SLC6A11: variants seen among roughly 807,000 people sequenced by gnomAD.
SLC6A11 encodes the protein sodium- and chloride-dependent GABA transporter 3.
In SLC6A11, 25 loss-of-function variants were observed where a neutral mutation model predicts 74.8. The ratio of observed to expected loss-of-function variants is 0.33; its 90% CI spans 0.24 to 0.47. The LOEUF is 0.47. SLC6A11 is among the 20% of genes least tolerant of loss of function. The pLI, the probability that SLC6A11 is intolerant of heterozygous loss-of-function variation, is 1.00. For missense variants in SLC6A11, 574 were observed against 837.0 expected (o/e 0.69, Z 3.88); for synonymous variants, 330 against 330.2 (o/e 1.00, Z 0.01).
intron 4 of SLC6A11, among the ~76,000 whole-genome samples, chr3:10,839,725 G>A (rs566329972): frequency 5.3e-5 from 8 of 152,206 alleles, no homozygotes; most frequent in Non-Finnish European, 1.0e-4. Context: ...TAGCCTCTGG[G>A]CATTGCAGCA....
chr3:10,905,059 A>G (rs1347445323), intron 6 of SLC6A11, among the ~76,000 whole-genome samples: 1 of 152,208 alleles, frequency 6.6e-6, no homozygotes, highest in Non-Finnish European at 1.5e-5. Flanking sequence ...TTATTTTACT[A>G]GACTTTCTTT....
chr3:10,827,705 G>T (rs1439360836), intron 4 of SLC6A11, among the ~76,000 whole-genome samples: 1 of 152,206 alleles, frequency 6.6e-6, no homozygotes, highest in Admixed American at 6.5e-5. Context: ...GGGAAGTAAA[G>T]ATGGAAGATG....
intron 4 of SLC6A11, among the ~76,000 whole-genome samples, chr3:10,840,831 T>C (rs1575672097): frequency 6.6e-6 from 1 of 152,270 alleles, no homozygotes; most frequent in African/African-American, 2.4e-5. Flanking sequence ...TTCACTGTCG[T>C]TGAAATGGTG....
intron 5 of SLC6A11, among the ~76,000 whole-genome samples, chr3:10,868,205 G>A (rs1372446905): frequency 3.9e-5 from 6 of 152,274 alleles, no homozygotes; most frequent in African/African-American, 1.4e-4. Context: ...TGGATCTTCT[G>A]ATTTTGTGGT....
At chr3:10,864,470 C>T (rs577764900) in intron 5 of SLC6A11, among the ~76,000 whole-genome samples, 1 of 152,028 alleles carries the variant, frequency 6.6e-6, no homozygotes, top group East Asian at 2.0e-4. Flanking sequence ...TCACCAGGTT[C>T]CTGGCACATC....
rs1171798828 is a variant in SLC6A11, at chr3:10,934,111, G to A, written c.1520G>A (p.Arg507Gln). ...YDNIEDMIGY[R>Q]PPSLIKWCWM... The stretch of plus-strand genomic sequence containing the variant: ...AACATTGAAGACATGATTGGCTACC[G>A]GCCACCGTCGCTCATTAAGTGGTGC... The change falls in exon 12 of 14, where the codon CGG becomes CAG. Residue 507 changes from arginine (R) to glutamine (Q), a missense_variant. Arg to Gln is a conservative substitution (Grantham distance 43). This residue lies in a region of SLC6A11 where 257 missense variants were observed against 341.5 expected (regional missense o/e 0.75). Coordinates refer to ENST00000254488, the MANE Select transcript of SLC6A11 (RefSeq NM_014229.3). 5.0e-6 allele frequency: 8 copies of A among 1,613,824 alleles called. No individual in the cohort carries two copies. The Admixed American group carries it at 5.0e-5, about 10-fold the overall frequency.
intron 6 of SLC6A11, among the ~76,000 whole-genome samples, chr3:10,884,678 G>A (rs1209377265): frequency 6.6e-6 from 1 of 152,164 alleles, no homozygotes; most frequent in Non-Finnish European, 1.5e-5. Flanking sequence ...GAATCTCTGA[G>A]CATCCCAAAC....
intron 4 of SLC6A11, among the ~76,000 whole-genome samples, chr3:10,827,050 C>T (rs567064821): frequency 6.6e-6 from 1 of 152,338 alleles, no homozygotes; most frequent in African/African-American, 2.4e-5. Context: ...GGGACACGCA[C>T]CCCTTCATAC....
At position 10,934,105 on chromosome 3, in the gene SLC6A11, G is replaced by C; in HGVS notation, c.1514G>C (p.Gly505Ala). 6.2e-7 allele frequency: 1 copy of C among 1,613,824 alleles called. No homozygotes were observed. Among genetic ancestry groups the C allele is most frequent in the East Asian group, 2.2e-5 (1 of 44,862 alleles). Residue 505 changes from glycine to alanine, a missense_variant, in exon 12 of 14, where the codon GGC becomes GCC. Gly to Ala is a moderately conservative substitution (Grantham distance 60). Transcript: ENST00000254488. ...TATGATAACATTGAAGACATGATTG[G>C]CTACCGGCCACCGTCGCTCATTAAG... ...RFYDNIEDMI[G>A]YRPPSLIKWC...
At chr3:10,887,176 T>A (rs1056985074) in intron 6 of SLC6A11, among the ~76,000 whole-genome samples, 9 of 151,104 alleles carry the variant, frequency 6.0e-5, no homozygotes, top group African/African-American at 2.2e-4. Flanking sequence ...AGATGGATGA[T>A]AGGTGGACAG....
At chr3:10,844,374 C>T in intron 5 of SLC6A11, 28 bp downstream of exon 5, 1 of 1,613,994 alleles carries the variant, frequency 6.2e-7, no homozygotes, top group Non-Finnish European at 8.5e-7. Flanking sequence ...AAGCAGCTAA[C>T]CGTGGCAGGG....
chr3:10,846,397 T>C (rs2106587117), intron 5 of SLC6A11, among the ~76,000 whole-genome samples: 1 of 152,254 alleles, frequency 6.6e-6, no homozygotes, highest in East Asian at 1.9e-4. Flanking sequence ...CTGTGGGGCT[T>C]GGCGGGGTGG....
At chr3:10,867,655 G>C (rs971101507) in intron 5 of SLC6A11, among the ~76,000 whole-genome samples, 1 of 152,202 alleles carries the variant, frequency 6.6e-6, no homozygotes, top group African/African-American at 2.4e-5. Flanking sequence ...CACAAATCCA[G>C]AAAGAGTTCT....
intron 4 of SLC6A11, among the ~76,000 whole-genome samples, chr3:10,834,126 G>C (rs1694335036): frequency 6.6e-6 from 1 of 152,218 alleles, no homozygotes; most frequent in African/African-American, 2.4e-5. Context: ...GATTCTGAGG[G>C]CATGAGAGAT....
At chr3:10,907,998 G>A (rs1695333041) in intron 6 of SLC6A11, among the ~76,000 whole-genome samples, 1 of 152,128 alleles carries the variant, frequency 6.6e-6, no homozygotes, top group Non-Finnish European at 1.5e-5. Context: ...TGGCATGCTG[G>A]TGCATGCCTG....
At chr3:10,899,555 T>TC (rs1231948613) in intron 6 of SLC6A11, among the ~76,000 whole-genome samples, 1 of 152,222 alleles carries the variant, frequency 6.6e-6, no homozygotes, top group African/African-American at 2.4e-5. Context: ...CTATTCCATT[T>TC]CCCCTCTCAG....
At chr3:10,917,976 C>T (rs781286400) in intron 7 of SLC6A11, among the ~76,000 whole-genome samples, 36 of 152,346 alleles carry the variant, frequency 2.4e-4, no homozygotes, top group Non-Finnish European at 4.7e-4. Context: ...CCCAGGAATA[C>T]TTTCCCAGCC....
At chr3:10,857,939 A>C (rs1308240450) in intron 5 of SLC6A11, among the ~76,000 whole-genome samples, 4 of 152,262 alleles carry the variant, frequency 2.6e-5, no homozygotes, top group Non-Finnish European at 5.9e-5. Flanking sequence ...AACATAATGA[A>C]GTAGTCAGGT....
chr3:10,934,459 C>T (rs1379546774), intron 12 of SLC6A11, among the ~76,000 whole-genome samples: 1 of 152,170 alleles, frequency 6.6e-6, no homozygotes, highest in Non-Finnish European at 1.5e-5. Flanking sequence ...CTCAGAGGGC[C>T]GAGGACTATG....
Sources: allele counts gnomAD v4.1 joint callset (sites outside exome capture counted in the v4.1 genomes callset), GRCh38; gene constraint gnomAD v4.1.1; regional missense constraint gnomAD v4.1.1; transcripts MANE v1.5; gene names NCBI Gene and HGNC (gene_info 2026-07-23, HGNC 2026-07-21).